CCDC110: variants seen among roughly 807,000 people sequenced by gnomAD.
CCDC110 encodes the protein coiled-coil domain-containing protein 110.
In CCDC110, 70 loss-of-function variants were observed where a neutral mutation model predicts 77.1. The observed-to-expected ratio is 0.91, with a 90% CI of 0.75 to 1.11. The LOEUF (loss-of-function observed/expected upper bound fraction) is 1.11, where lower values mean the gene tolerates loss of function less well. Among genes scored for constraint, CCDC110 ranks in the 50% least tolerant of loss-of-function variants. The pLI, the probability that CCDC110 is intolerant of heterozygous loss-of-function variation, is 0.00. For synonymous variants in CCDC110, 295 were observed against 312.5 expected (o/e 0.94, Z 0.59); for missense variants, 868 against 942.9 (o/e 0.92, Z 1.04).
At chr4:185,448,231 G>C (rs2095620199) in intron 6 of CCDC110, among the ~76,000 whole-genome samples, 1 of 152,110 alleles carries the variant, frequency 6.6e-6, no homozygotes, top group South Asian at 2.1e-4. Context: ...GTGTTGGTCA[G>C]GCTGGTCTCG....
intron 6 of CCDC110, among the ~76,000 whole-genome samples, chr4:185,447,319 C>T (rs1035113776): frequency 6.6e-6 from 1 of 151,760 alleles, no homozygotes; most frequent in Non-Finnish European, 1.5e-5. Context: ...GTAGCTGGGA[C>T]TACAGGCGCC....
At chr4:185,462,590 T>A (rs1175972034) in intron 4 of CCDC110, 53 bp downstream of exon 4, 18 of 1,369,336 alleles carry the variant, frequency 1.3e-5, no homozygotes, top group Middle Eastern at 1.8e-4. Context: ...GCTTAGAAGA[T>A]GGGATGATAC....
chr4:185,462,561 C>T, intron 4 of CCDC110, 82 bp downstream of exon 4: 3 of 1,024,322 alleles, frequency 2.9e-6, no homozygotes, highest in Non-Finnish European at 4.6e-6. Flanking sequence ...TCAGCTAATC[C>T]ATTGGCTAGT....
chr4:185,464,535 A>T (rs2095652063), intron 2 of CCDC110, among the ~76,000 whole-genome samples: 1 of 152,182 alleles, frequency 6.6e-6, no homozygotes, highest in Non-Finnish European at 1.5e-5. Context: ...GAACTGAAGG[A>T]AGGCCCAGAC....
At chr4:185,455,411 T>C (rs1315194768) in intron 6 of CCDC110, among the ~76,000 whole-genome samples, 2 of 152,042 alleles carry the variant, frequency 1.3e-5, no homozygotes, top group African/African-American at 4.8e-5. Context: ...AAAATAAATA[T>C]AAAAGGATGC....
At position 185,463,063 on chromosome 4, in the gene CCDC110, T is replaced by C; in HGVS notation, c.116-14A>G. The C allele has an allele frequency of 1.2e-6, 2 of 1,604,990 alleles. No homozygotes were observed. The highest frequency in any genetic ancestry group is 1.7e-6 in the Non-Finnish European group (2 of 1,173,350). On this transcript the variant is annotated splice_polypyrimidine_tract_variant and intron_variant, in intron 2 of 6. Transcript: ENST00000307588. Reference sequence around the variant, plus strand: ...TGCAGCCATATTCTAAGAAGCAAAATTGAAAAACCATGTGACTTAATTCTT... The same window carrying C: ...TGCAGCCATATTCTAAGAAGCAAAACTGAAAAACCATGTGACTTAATTCTT...
chr4:185,459,085 C>T lies in CCDC110; in HGVS notation c.1502G>A (p.Ser501Asn), dbSNP rs745853340. Residue 501 changes from serine (S) to asparagine (N), a missense_variant, in exon 6 of 7, where the codon AGC becomes AAC. Transcript: ENST00000307588. ...QSKLSKTEEY[S>N]KECLKEFKKI... is the part of the protein sequence containing the mutation. ...TTTAAATTCTTTAAGACACTCTTTGCTGTATTCTTCTGTTTTACTTAACTT... is the reference window on the plus strand; with the variant it reads ...TTTAAATTCTTTAAGACACTCTTTGTTGTATTCTTCTGTTTTACTTAACTT... 5 of 1,575,422 alleles carry T rather than the reference C, an allele frequency of 3.2e-6. No homozygotes were observed. Among genetic ancestry groups the T allele is most frequent in the African/African-American group, 1.4e-5 (1 of 73,786 alleles).
Position 185,468,198 on chromosome 4 carries a change from GCAA to G in CCDC110, c.115+2744_115+2746del, listed in dbSNP as rs2095659576. On this transcript the variant is annotated intron_variant, in intron 2 of 6. Coordinates refer to ENST00000307588, the MANE Select transcript of CCDC110 (RefSeq NM_152775.4). The surrounding 1 kb of genome is among the most constrained non-coding windows in gnomAD (Gnocchi z 4.5). Reference sequence around the variant, plus strand: ...TCACAGTCATTATGCAAGGAGCTATGCAACAGGTTGCCTGCCGCCCAGATTTGA... The same window carrying G: ...TCACAGTCATTATGCAAGGAGCTATGCAGGTTGCCTGCCGCCCAGATTTGA... Among the ~76,000 whole-genome samples the G allele has an allele frequency of 6.6e-6, 1 of 152,226 alleles. No homozygotes were observed. Among genetic ancestry groups the G allele is most frequent in the African/African-American group, 2.4e-5 (1 of 41,464 alleles).
In CCDC110 at chr4:185,460,232, C is replaced by A. The variant is rs1382373230; in HGVS notation, c.355G>T (p.Glu119Ter). The A allele has an allele frequency of 6.3e-7, 1 of 1,595,784 alleles. No individual in the cohort carries two copies. Among genetic ancestry groups the A allele is most frequent in the South Asian group, 1.1e-5 (1 of 89,540 alleles). ...GTRIEKDLPT[E>*]NQEENLSMEK... ...ATAGAAAGGTTTTCTTCTTGATTCT[C>A]TGTAGGCTGTAACAATAAGAAGTAC... is the stretch of plus-strand genomic sequence containing the variant. Residue 119 changes from glutamate (E) to a stop codon, truncating the protein, a stop_gained, in exon 6 of 7, where the codon GAG (glutamate) becomes TAG (stop). Coordinates refer to ENST00000307588, the MANE Select transcript of CCDC110 (RefSeq NM_152775.4). LOFTEE classifies it high-confidence loss of function.
At chr4:185,461,018 A>G (rs1580187821) in intron 5 of CCDC110, 31 bp downstream of exon 5, 1 of 920,464 alleles carries the variant, frequency 1.1e-6, no homozygotes, top group Non-Finnish European at 1.6e-6. Flanking sequence ...AAGTACCTAC[A>G]TATAGAAATG....
rs750910707 is a variant in CCDC110 at position 185,460,193 on chromosome 4, G to T, written c.394C>A (p.His132Asn). The change falls in exon 6 of 7, where the codon CAT becomes AAT. Residue 132 changes from histidine (H) to asparagine (N), a missense_variant. Physicochemically the swap from His to Asn is moderately conservative, Grantham distance 68 (BLOSUM62 1). Transcript: ENST00000307588. ...TGAAGTGTCTTGGAATCCTCAAAAT[G>T]ATGACTTTTCTCCATAGAAAGGTTT... is the stretch of plus-strand genomic sequence containing the variant. The part of the protein sequence containing the change: ...EENLSMEKSH[H>N]FEDSKTLHSV... 1 of 1,609,682 alleles carries T rather than the reference G, an allele frequency of 6.2e-7. No individual in the cohort carries two copies. The highest frequency in any genetic ancestry group is 1.3e-5 in the African/African-American group (1 of 74,878).
At chr4:185,451,915 A>G (rs1432418449) in intron 6 of CCDC110, among the ~76,000 whole-genome samples, 2 of 152,250 alleles carry the variant, frequency 1.3e-5, no homozygotes, top group Non-Finnish European at 2.9e-5. Context: ...TTTAAGCAGT[A>G]GTGTGACAAT....
At chr4:185,454,573 G>T (rs1249493392) in intron 6 of CCDC110, among the ~76,000 whole-genome samples, 3 of 152,056 alleles carry the variant, frequency 2.0e-5, no homozygotes, top group East Asian at 2.0e-4. Flanking sequence ...AATAAGCTGG[G>T]CATGGTGGCA....
At chr4:185,463,140 G>A (rs764343829) in intron 2 of CCDC110, 91 bp from the exon 3 acceptor site, 25 of 882,798 alleles carry the variant, frequency 2.8e-5, no homozygotes, top group Non-Finnish European at 4.4e-5. Flanking sequence ...AACTTGCTTG[G>A]ATAGTGAGGC....
intron 3 of CCDC110, 42 bp from the exon 4 acceptor site, chr4:185,462,750 G>C (rs762336881): frequency 1.3e-6 from 2 of 1,491,278 alleles, no homozygotes; most frequent in African/African-American, 2.8e-5. Context: ...TTTTTAGGTA[G>C]GTAAACGTAT....
At chr4:185,465,403 G>A (rs936891889) in intron 2 of CCDC110, among the ~76,000 whole-genome samples, 3 of 152,140 alleles carry the variant, frequency 2.0e-5, no homozygotes, top group Non-Finnish European at 4.4e-5. Flanking sequence ...GAAAGCAATG[G>A]GATTTATACA....
intron 6 of CCDC110, among the ~76,000 whole-genome samples, chr4:185,448,275 C>T (rs184000677): frequency 3.9e-4 from 59 of 152,322 alleles, no homozygotes; most frequent in Admixed American, 3.9e-3. Context: ...CCCGCCTCAG[C>T]CTCCCAAAGT....
Position 185,458,951 on chromosome 4 carries a change from G to C in CCDC110, c.1636C>G (p.Leu546Val). 6.2e-7 allele frequency: 1 copy of C among 1,607,374 alleles called. No individual in the cohort carries two copies. The highest frequency in any genetic ancestry group is 2.2e-5 in the East Asian group (1 of 44,626). The change falls in exon 6 of 7, where the codon CTA becomes GTA. Residue 546 changes from leucine to valine, a missense_variant. Transcript: ENST00000307588. ...KQQMMEALDQLKSKEHKTQSD... is the reference protein window; with the variant it reads ...KQQMMEALDQVKSKEHKTQSD... ...TGAGTTTTGTGTTCCTTACTTTTTA[G>C]TTGATCTAATGCTTCCATCATTTGT...
chr4:185,462,395 A>G (rs1311017124), intron 4 of CCDC110, among the ~76,000 whole-genome samples: 2 of 152,206 alleles, frequency 1.3e-5, no homozygotes, highest in Non-Finnish European at 2.9e-5. Context: ...TTTGTAGTCT[A>G]TATATAGACT....
Sources: allele counts gnomAD v4.1 joint callset (sites outside exome capture counted in the v4.1 genomes callset), GRCh38; gene constraint gnomAD v4.1.1; non-coding constraint Gnocchi (gnomAD v3.1); transcripts MANE v1.5; gene names NCBI Gene and HGNC (gene_info 2026-07-23, HGNC 2026-07-21).